The following PRR13 variants were observed in gnomAD, a reference collection of about 807,000 sequenced individuals.
PRR13 encodes the protein proline-rich protein 13.
In PRR13, 7 loss-of-function variants were observed where a neutral mutation model predicts 11.5. That is an observed-to-expected ratio of 0.61 (90% CI 0.34 to 1.14). The LOEUF (loss-of-function observed/expected upper bound fraction) is 1.14, where lower values mean the gene tolerates loss of function less well. PRR13 is among the 50% of genes most tolerant of loss of function. The probability of loss-of-function intolerance (pLI) is 0.03; values close to 1 mark genes in which losing one functional copy is unlikely to be tolerated. For synonymous variants in PRR13, 53 were observed against 67.8 expected, an observed-to-expected ratio of 0.78 and a Z score of 1.07; for missense variants, 155 against 194.4, an observed-to-expected ratio of 0.80 and a Z score of 1.21.
chr12:53,444,046 C>G (rs1940351255), intron 3 of PRR13: 4 of 493,432 alleles, frequency 8.1e-6, no homozygotes, highest in Non-Finnish European at 1.4e-5. Flanking sequence ...CTGCCCTACT[C>G]TCCCAGAACT....
At chr12:53,441,910 C>T (rs2136988505) in intron 1 of PRR13, 118 bp downstream of exon 1, 1 of 687,548 alleles carries the variant, frequency 1.5e-6, no homozygotes, top group Admixed American at 2.2e-5. Context: ...AGGAAGGGGG[C>T]TGTGTCCACA....
chr12:53,444,013 T>C lies in PRR13; in HGVS notation c.402+240T>C, dbSNP rs904065684. The C allele has an allele frequency of 3.4e-5, 19 of 558,422 alleles. No homozygotes were observed. In the South Asian group the frequency reaches 7.7e-4, roughly 23 times the overall value. The allele number at this position is 558,422 out of a possible 1,614,324, so 34.6% of individuals were successfully genotyped here. On this transcript the variant is annotated intron_variant, in intron 3 of 3. Coordinates refer to ENST00000429243, the MANE Select transcript of PRR13 (RefSeq NM_018457.4). ...TTAGGGTGAGCCTTAGAATGGATTT[T>C]AGAATCAAAAGCCAAATCTTTTCTG...
chr12:53,441,957 T>A (rs1940300521), intron 1 of PRR13, 165 bp downstream of exon 1: 1 of 628,200 alleles, frequency 1.6e-6, no homozygotes, highest in Non-Finnish European at 2.8e-6. Flanking sequence ...AACTTCCTTC[T>A]TACTTCGCCT....
Position 53,441,809 on chromosome 12 carries a change from A to C in PRR13, c.-21+17A>C, listed in dbSNP as rs1940297372. ...GGTGGAAAGGTGATGGGGTATCTGG[A>C]TTCCATAGGTTTTTCCTTTTCCCCT... On this transcript the variant is annotated intron_variant, in intron 1 of 3. Coordinates refer to ENST00000429243, the MANE Select transcript of PRR13 (RefSeq NM_018457.4). 1 of 702,166 alleles carries C rather than the reference A, an allele frequency of 1.4e-6. No homozygotes were observed. Among genetic ancestry groups the C allele is most frequent in the South Asian group, 1.5e-5 (1 of 67,600 alleles). The allele number at this position is 702,166 out of a possible 1,614,324, so 43.5% of individuals were successfully genotyped here. A position where few individuals can be genotyped will look rare whatever the true frequency, so the allele number is the denominator to read the frequency against.
At position 53,443,136 on chromosome 12, in the gene PRR13, C is replaced by T. The variant is rs538157206; in HGVS notation, c.20-255C>T. ...CCTCCCAAAGTGCTGGGATTACAGG[C>T]GTGAGCCACCGCGCCTGGACTGACC... On this transcript the variant is annotated intron_variant, in intron 2 of 3. Transcript: ENST00000429243. The T allele has an allele frequency of 6.6e-5, 28 of 421,680 alleles. No homozygotes were observed. In the East Asian group the frequency reaches 9.2e-4, roughly 14 times the overall value. The allele number at this position is 421,680 out of a possible 1,614,324, so 26.1% of individuals were successfully genotyped here.
chr12:53,442,584 C>T, intron 1 of PRR13, 111 bp from the exon 2 acceptor site: 1 of 895,964 alleles, frequency 1.1e-6, no homozygotes, highest in South Asian at 1.4e-5. Context: ...GGTAGTTCTC[C>T]AGGTAGGAGA....
chr12:53,442,972 T>G (rs532933364), intron 2 of PRR13: 1 of 433,064 alleles, frequency 2.3e-6, no homozygotes, highest in Non-Finnish European at 4.1e-6. Context: ...TTCTCCTGTT[T>G]CAGCCTCTGG....
At chr12:53,441,937 GTTCT>G in intron 1 of PRR13, 145 bp downstream of exon 1, 1 of 644,360 alleles carries the variant, frequency 1.6e-6, no homozygotes, top group Non-Finnish European at 2.8e-6. Flanking sequence ...AGTATTTGAG[GTTCT>G]TGGGCAACTT....
At chr12:53,445,665 A>G (rs1940388101) in intron 3 of PRR13, among the ~76,000 whole-genome samples, 1 of 152,216 alleles carries the variant, frequency 6.6e-6, no homozygotes, top group Non-Finnish European at 1.5e-5. Flanking sequence ...AAGCATTGAA[A>G]AGGTAACAGC....
intron 3 of PRR13, 23 bp downstream of exon 3, chr12:53,443,796 C>G (rs1405226267): frequency 3.2e-6 from 5 of 1,575,934 alleles, no homozygotes; most frequent in Non-Finnish European, 4.3e-6. Context: ...TGGAGACTGG[C>G]TAGGGAAGGA....
rs1443426068 is a variant in PRR13, at chr12:53,446,508, G to A, written c.*449G>A. ...AGGCCTTTTGTTGGTTGCACTAACT[G>A]CAAGGTTGCTGGGAAGTAGAGTCCA... is the stretch of plus-strand genomic sequence containing the variant. On this transcript the variant is annotated 3_prime_UTR_variant, in exon 4 of 4. Coordinates refer to ENST00000429243, the MANE Select transcript of PRR13 (RefSeq NM_018457.4). The A allele has an allele frequency of 1.8e-5, 3 of 168,510 alleles. No individual in the cohort carries two copies. The highest frequency in any genetic ancestry group is 3.8e-5 in the Non-Finnish European group (3 of 78,702). The allele number at this position is 168,510 out of a possible 1,614,324, so 10.4% of individuals were successfully genotyped here. A position where few individuals can be genotyped will look rare whatever the true frequency, so the allele number is the denominator to read the frequency against.
At chr12:53,443,082 C>G (rs935140412) in intron 2 of PRR13, 3 of 375,172 alleles carry the variant, frequency 8.0e-6, no homozygotes, top group Admixed American at 4.4e-5. Context: ...GTCTCAAACT[C>G]ATGGCCTCAT....
Position 53,443,763 on chromosome 12 carries a change from A to G in PRR13, c.392A>G (p.Lys131Arg). The G allele has an allele frequency of 6.2e-7, 1 of 1,605,266 alleles. No individual in the cohort carries two copies. The part of the protein sequence containing the change: ...HKHQKHHKYH[K>R]HGKHSSSSSS... ...CACCAAAAGCACCACAAGTACCACAAGCATGGCAAGGTCAGTACCCTCTGG... is the reference window on the plus strand; with the variant it reads ...CACCAAAAGCACCACAAGTACCACAGGCATGGCAAGGTCAGTACCCTCTGG... The change falls in exon 3 of 4, where the codon AAG becomes AGG. Residue 131 changes from lysine (K) to arginine (R), a missense_variant. Lys to Arg is a conservative substitution (Grantham distance 26). Transcript: ENST00000429243.
In PRR13 at chr12:53,446,396, T is replaced by C. The variant is rs1173048769; in HGVS notation, c.*337T>C. The C allele has an allele frequency of 1.6e-5, 4 of 244,344 alleles. No individual in the cohort carries two copies. The highest frequency in any genetic ancestry group is 3.1e-5 in the Non-Finnish European group (4 of 128,854). The allele number at this position is 244,344 out of a possible 1,614,324, so 15.1% of individuals were successfully genotyped here. On this transcript the variant is annotated 3_prime_UTR_variant, in exon 4 of 4. Coordinates refer to ENST00000429243, the MANE Select transcript of PRR13 (RefSeq NM_018457.4). ...TTATAATACTTGTGATTGGGGAGGT[T>C]TGTGGAAATTCAATTATGATGAAAA...
In PRR13 at chr12:53,443,771, A is replaced by C; in HGVS notation, c.400A>C (p.Lys134Gln). Reference sequence around the variant, plus strand: ...GCACCACAAGTACCACAAGCATGGCAAGGTCAGTACCCTCTGGAGACTGGC... The same window carrying C: ...GCACCACAAGTACCACAAGCATGGCCAGGTCAGTACCCTCTGGAGACTGGC... ...QKHHKYHKHG[K>Q]HSSSSSSSSS... The change falls in exon 3 of 4, where the codon AAG becomes CAG. Residue 134 changes from lysine (K) to glutamine (Q), a missense_variant and splice_region_variant. By Grantham distance (53) the Lys-to-Gln change is moderately conservative. Coordinates refer to ENST00000429243, the MANE Select transcript of PRR13 (RefSeq NM_018457.4). 6 of 1,602,188 alleles carry C rather than the reference A, an allele frequency of 3.7e-6. No individual in the cohort carries two copies. The highest frequency in any genetic ancestry group is 5.1e-6 in the Non-Finnish European group (6 of 1,173,912).
At chr12:53,443,196 C>G (rs926335383) in intron 2 of PRR13, 195 bp from the exon 3 acceptor site, 2 of 541,778 alleles carry the variant, frequency 3.7e-6, no homozygotes, top group African/African-American at 3.9e-5. Context: ...CACTGTCTCC[C>G]TCCTCTCCCT....
chr12:53,444,469 A>G (rs1480531972), intron 3 of PRR13, among the ~76,000 whole-genome samples: 1 of 151,802 alleles, frequency 6.6e-6, no homozygotes, highest in Non-Finnish European at 1.5e-5. Context: ...AGCTGGGACT[A>G]CAGGCGCCCG....
rs1420240895 is a variant in PRR13 at position 53,443,383 on chromosome 12, T to A, written c.20-8T>A. The A allele has an allele frequency of 7.2e-7, 1 of 1,392,194 alleles. No homozygotes were observed. Among genetic ancestry groups the A allele is most frequent in the African/African-American group, 1.4e-5 (1 of 69,134 alleles). 86.2% of individuals were successfully genotyped at this position (1,392,194 alleles called of 1,614,324 possible). A position where few individuals can be genotyped will look rare whatever the true frequency, so the allele number is the denominator to read the frequency against. ...ATTCTAATGTTTATTCTCTGCTTCT[T>A]CCACCAGGGCAGCCAGGGCCAAATC... On this transcript the variant is annotated splice_region_variant and splice_polypyrimidine_tract_variant and intron_variant, in intron 2 of 3. Coordinates refer to ENST00000429243, the MANE Select transcript of PRR13 (RefSeq NM_018457.4).
chr12:53,444,166 CAG>C (rs1487007077), intron 3 of PRR13: 1 of 299,544 alleles, frequency 3.3e-6, no homozygotes, highest in South Asian at 1.2e-4. Flanking sequence ...TAATAATTAA[CAG>C]AATTAATCTG....
Sources: gnomAD v4.1 joint callset for allele counts (sites outside exome capture counted in the v4.1 genomes callset) on GRCh38, gnomAD v4.1.1 for gene constraint, MANE v1.5 for transcripts, NCBI Gene and HGNC (gene_info 2026-07-23, HGNC 2026-07-21) for gene names.